KYAT1: variants seen among roughly 807,000 people sequenced by gnomAD.
KYAT1 encodes kynurenine aminotransferase 1, also known as kynurenine--oxoglutarate transaminase 1.
KYAT1 carries 47 observed loss-of-function variants against 52.4 expected under a neutral mutation model. The observed-to-expected ratio is 0.90, with a 90% CI of 0.71 to 1.14. KYAT1 has a LOEUF of 1.14. Among genes scored for constraint, KYAT1 ranks in the 50% most tolerant of loss-of-function variants. The probability of loss-of-function intolerance (pLI) is 0.00; values close to 1 mark genes in which losing one functional copy is unlikely to be tolerated. For missense variants in KYAT1, 480 were observed against 557.9 expected (o/e 0.86, Z 1.41); for synonymous variants, 212 against 209.6 (o/e 1.01, Z -0.10).
rs777614454 is a variant in KYAT1 at position 128,838,050 on chromosome 9, C to T, written c.438+1G>A. 2.5e-6 allele frequency: 4 copies of T among 1,614,044 alleles called. No individual in the cohort carries two copies. The East Asian group carries it at 6.7e-5, about 27-fold the overall frequency. ...ATCCATCCTCTACCTAGCATCCTTA[C>T]CGGCTTCAGGGACACAAACACAGGA... On this transcript the variant is annotated splice_donor_variant, in intron 5 of 12. Coordinates refer to ENST00000302586, the MANE Select transcript of KYAT1 (RefSeq NM_004059.5). LOFTEE classifies it high-confidence loss of function.
intron 1 of KYAT1, among the ~76,000 whole-genome samples, chr9:128,851,157 T>C (rs2119284998): frequency 6.6e-6 from 1 of 152,344 alleles, no homozygotes; most frequent in Middle Eastern, 3.4e-3. Context: ...ACACTTTGTC[T>C]CTGTGTCTTA....
At position 128,833,622 on chromosome 9, in the gene KYAT1, T is replaced by C. The variant is rs552579374; in HGVS notation, c.1231A>G (p.Met411Val). ...TTCCACTTCCGCAGCTTCTCGTCCA[T>C]GGCCTGGAGCGTGGCTTCATCCTGC... is the stretch of plus-strand genomic sequence containing the variant. ...FVKDEATLQAMDEKLRKWKVE... is the reference protein window; with the variant it reads ...FVKDEATLQAVDEKLRKWKVE... The change falls in exon 13 of 13, where the codon ATG (methionine) becomes GTG (valine). Residue 411 changes from methionine (M) to valine (V), a missense_variant. Met to Val is a conservative substitution (Grantham distance 21). Transcript: ENST00000302586. 6.2e-7 allele frequency: 1 copy of C among 1,614,240 alleles called. No homozygotes were observed. The highest frequency in any genetic ancestry group is 1.3e-5 in the African/African-American group (1 of 75,062).
intron 1 of KYAT1, among the ~76,000 whole-genome samples, chr9:128,857,213 CCTT>C (rs1156719255): frequency 6.6e-6 from 1 of 152,118 alleles, no homozygotes; most frequent in East Asian, 1.9e-4. Context: ...TTTTTGCTGA[CCTT>C]CTCCTTATTA....
intron 1 of KYAT1, among the ~76,000 whole-genome samples, chr9:128,864,207 GA>G (rs968080969): frequency 6.7e-6 from 1 of 149,636 alleles, no homozygotes; most frequent in African/African-American, 2.5e-5. Flanking sequence ...CTAAAAATAC[GA>G]AAAAAAAATT....
intron 3 of KYAT1, among the ~76,000 whole-genome samples, chr9:128,839,114 C>T (rs1831677596): frequency 6.6e-6 from 1 of 152,024 alleles, no homozygotes; most frequent in Non-Finnish European, 1.5e-5. Flanking sequence ...CAGGCACGCA[C>T]CACCATGCCT....
chr9:128,851,800 C>T (rs201458879), intron 1 of KYAT1, among the ~76,000 whole-genome samples: 4 of 152,154 alleles, frequency 2.6e-5, no homozygotes, highest in Admixed American at 6.6e-5. Context: ...GCTCAGTCAA[C>T]GCAAAGTGTT....
rs373206846 is a variant in KYAT1, at chr9:128,854,246, TC to T, written c.-6-8836del. On this transcript the variant is annotated intron_variant, in intron 1 of 12. Coordinates refer to ENST00000302586, the MANE Select transcript of KYAT1 (RefSeq NM_004059.5). Reference sequence around the variant, plus strand: ...AAAAGGACAGTAAGGAATATAACACTCCCCAGATGCAACTTAATCTAGCACT... The same window carrying T: ...AAAAGGACAGTAAGGAATATAACACTCCCAGATGCAACTTAATCTAGCACT... Among the ~76,000 whole-genome samples, 63 of 152,272 alleles carry T rather than the reference TC, an allele frequency of 4.1e-4. No individual in the cohort carries two copies. In the East Asian group the frequency reaches 9.8e-3, roughly 24 times the overall value.
At chr9:128,873,192 A>C (rs1462730370) in intron 1 of KYAT1, among the ~76,000 whole-genome samples, 1 of 151,886 alleles carries the variant, frequency 6.6e-6, no homozygotes, top group Non-Finnish European at 1.5e-5. Flanking sequence ...GTGACCTTTT[A>C]AAACTCTCTT....
chr9:128,846,930 C>T, intron 1 of KYAT1: 1 of 1,295,794 alleles, frequency 7.7e-7, no homozygotes, highest in South Asian at 1.4e-5. Context: ...ACTGCACTCT[C>T]ACTAGAGGTG....
At chr9:128,872,660 G>A (rs574150378) in intron 1 of KYAT1, among the ~76,000 whole-genome samples, 67 of 151,938 alleles carry the variant, frequency 4.4e-4, no homozygotes, top group African/African-American at 1.4e-3. Flanking sequence ...CCGGCTACTC[G>A]GGAGGCTGAG....
intron 1 of KYAT1, among the ~76,000 whole-genome samples, chr9:128,856,844 A>C (rs1006586965): frequency 6.6e-6 from 1 of 152,230 alleles, no homozygotes; most frequent in South Asian, 2.1e-4. Context: ...GCCTTGTGGG[A>C]TGAGAAAGAC....
intron 3 of KYAT1, chr9:128,840,617 G>GAT (rs1831978414): frequency 2.3e-6 from 1 of 435,736 alleles, no homozygotes; most frequent in African/African-American, 2.1e-5. Flanking sequence ...ATACCCAAAT[G>GAT]ATTTTTTTTT....
chr9:128,856,367 G>A (rs1834591775), intron 1 of KYAT1, among the ~76,000 whole-genome samples: 1 of 152,138 alleles, frequency 6.6e-6, no homozygotes, highest in South Asian at 2.1e-4. Flanking sequence ...GTCTACAGGT[G>A]TATCCAGCAG....
chr9:128,865,962 G>A (rs190252699), intron 1 of KYAT1, among the ~76,000 whole-genome samples: 29 of 152,258 alleles, frequency 1.9e-4, no homozygotes, highest in African/African-American at 6.7e-4. Flanking sequence ...AATGTCTATC[G>A]CTTGCACCAG....
chr9:128,862,981 T>C (rs941333873), intron 1 of KYAT1, among the ~76,000 whole-genome samples: 3 of 152,030 alleles, frequency 2.0e-5, no homozygotes, highest in Admixed American at 1.3e-4. Context: ...CGCGCTACCA[T>C]GCCCGGCTAA....
At position 128,881,668 on chromosome 9, in the gene KYAT1, G is replaced by A. The variant is rs1210733420; in HGVS notation, c.-7+229C>T. ...CTCCACCGGCGCGGTCGTGGGAGGGGGATTTGGGTGCAGACAGGACCAGCC... is the reference window on the plus strand; with the variant it reads ...CTCCACCGGCGCGGTCGTGGGAGGGAGATTTGGGTGCAGACAGGACCAGCC... On this transcript the variant is annotated intron_variant, in intron 1 of 12. Transcript: ENST00000302586. Among the ~76,000 whole-genome samples the A allele has an allele frequency of 2.0e-5, 3 of 152,090 alleles. No homozygotes were observed. The East Asian group carries it at 5.8e-4, about 29-fold the overall frequency.
chr9:128,851,871 C>A (rs1833994623), intron 1 of KYAT1, among the ~76,000 whole-genome samples: 1 of 152,110 alleles, frequency 6.6e-6, no homozygotes. Context: ...AGGAAAAAGT[C>A]CAGAATCATT....
intron 1 of KYAT1, among the ~76,000 whole-genome samples, chr9:128,867,013 GA>G (rs2130750860): frequency 6.6e-6 from 1 of 152,202 alleles, no homozygotes; most frequent in Non-Finnish European, 1.5e-5. Context: ...GATGGGCCAA[GA>G]CAAACTTGAG....
chr9:128,849,088 C>T (rs1292338573), intron 1 of KYAT1, among the ~76,000 whole-genome samples: 1 of 150,626 alleles, frequency 6.6e-6, no homozygotes, highest in Non-Finnish European at 1.5e-5. Flanking sequence ...GTACTCCAGC[C>T]TAAGCGACAA....
Sources: allele counts gnomAD v4.1 joint callset (sites outside exome capture counted in the v4.1 genomes callset), GRCh38; gene constraint gnomAD v4.1.1; transcripts MANE v1.5; gene names NCBI Gene and HGNC (gene_info 2026-07-23, HGNC 2026-07-21).